The following RABEP2 variants were observed in gnomAD, a reference collection of about 807,000 sequenced individuals.
The protein encoded by RABEP2 is rab GTPase-binding effector protein 2.
Under a neutral mutation model 74.1 loss-of-function variants are expected in RABEP2, and 57 were observed. The ratio of observed to expected loss-of-function variants is 0.77; its 90% CI spans 0.62 to 0.96. The LOEUF (loss-of-function observed/expected upper bound fraction) is 0.96. Among genes scored for constraint, RABEP2 ranks in the 40% least tolerant of loss-of-function variants. The pLI, the probability that RABEP2 is intolerant of heterozygous loss-of-function variation, is 0.00. For missense variants in RABEP2, 692 were observed against 756.3 expected, an observed-to-expected ratio of 0.91 and a Z score of 1.00; for synonymous variants, 351 against 344.0, an observed-to-expected ratio of 1.02 and a Z score of -0.23.
chr16:28,923,985 G>A (rs1417698850), intron 2 of RABEP2: 2 of 190,724 alleles, frequency 1.0e-5, no homozygotes, highest in Non-Finnish European at 2.3e-5. Flanking sequence ...GGGGTGGAGG[G>A]GGGAGTGTCT....
At chr16:28,908,842 C>A in intron 7 of RABEP2, 78 bp from the exon 8 acceptor site, 1 of 1,440,500 alleles carries the variant, frequency 6.9e-7, no homozygotes, top group South Asian at 1.3e-5. Flanking sequence ...CCTCCTTGAA[C>A]CCTCCTCCCA....
chr16:28,920,250 A>G (rs1171747909), intron 2 of RABEP2, among the ~76,000 whole-genome samples: 1 of 151,958 alleles, frequency 6.6e-6, no homozygotes, highest in Non-Finnish European at 1.5e-5. Context: ...AATAGATGAG[A>G]TGACACAGGC....
Position 28,905,440 on chromosome 16 carries a change from T to C in RABEP2, c.1565A>G (p.Glu522Gly), listed in dbSNP as rs777114290. ...TCGCACGAAATCCCTCTGCACCTGC[T>C]CACTGGTCTCCAGCTCTGCCTGCAG... ...LRLQAELETS[E>G]QVQRDFVRLS... The change falls in exon 12 of 13, where the codon GAG becomes GGG. Residue 522 changes from glutamate to glycine, a missense_variant. Physicochemically the swap from Glu to Gly is moderately conservative, Grantham distance 98. Transcript: ENST00000358201. The C allele has an allele frequency of 1.2e-6, 2 of 1,607,780 alleles. No homozygotes were observed. Among genetic ancestry groups the C allele is most frequent in the African/African-American group, 2.7e-5 (2 of 74,880 alleles).
intron 5 of RABEP2, among the ~76,000 whole-genome samples, chr16:28,912,957 T>C (rs1964334608): frequency 6.6e-6 from 1 of 152,004 alleles, no homozygotes; most frequent in South Asian, 2.1e-4. Flanking sequence ...CCGGTTTTTT[T>C]TTCTCTTTTT....
Position 28,919,960 on chromosome 16 carries a change from AG to A in RABEP2, c.275-18del. ...TGATGGAGTCTGGTGGGGGAGAGGG[AG>A]GGTGGGAGAGAGGGAGGGTCAATGA... On this transcript the variant is annotated intron_variant, in intron 2 of 12. Transcript: ENST00000358201. The A allele has an allele frequency of 1.7e-6, 1 of 572,926 alleles. No individual in the cohort carries two copies. The highest frequency in any genetic ancestry group is 3.0e-6 in the Non-Finnish European group (1 of 333,168). 35.5% of individuals were successfully genotyped at this position (572,926 alleles called of 1,614,324 possible).
At position 28,919,928 on chromosome 16, in the gene RABEP2, T is replaced by C. The variant is rs751758078; in HGVS notation, c.290A>G (p.Tyr97Cys). The C allele has an allele frequency of 2.1e-5, 33 of 1,590,024 alleles. No homozygotes were observed. The highest frequency in any genetic ancestry group is 5.1e-5 in the Admixed American group (3 of 58,948). ...QAILKDSISS[Y>C]EAQITALKQE... The stretch of plus-strand genomic sequence containing the variant: ...CTTCAGGGCGGTGATCTGGGCTTCA[T>C]AGCTGCTGATGGAGTCTGGTGGGGG... Residue 97 changes from tyrosine to cysteine, a missense_variant, in exon 3 of 13, where the codon TAT becomes TGT. Transcript: ENST00000358201.
At position 28,908,638 on chromosome 16, in the gene RABEP2, C is replaced by T. The variant is rs746454508; in HGVS notation, c.1216G>A (p.Glu406Lys). The T allele has an allele frequency of 2.0e-5, 32 of 1,613,670 alleles. No individual in the cohort carries two copies. The highest frequency in any genetic ancestry group is 3.3e-5 in the Admixed American group (2 of 59,972). ...ACAGAGCTGGGCAGTGATTCCTCCTCGCCCTGCTCCTGCTGCGAGCCCTGG... is the reference window on the plus strand; with the variant it reads ...ACAGAGCTGGGCAGTGATTCCTCCTTGCCCTGCTCCTGCTGCGAGCCCTGG... ...APQGSQQEQG[E>K]EESLPSSVPE... The change falls in exon 8 of 13, where the codon GAG becomes AAG. Residue 406 changes from glutamate to lysine, a missense_variant. By Grantham distance (56) the Glu-to-Lys change is moderately conservative. Coordinates refer to ENST00000358201, the MANE Select transcript of RABEP2 (RefSeq NM_024816.3).
chr16:28,914,115 G>C lies in RABEP2; in HGVS notation c.894+121C>G, dbSNP rs1052745568. ...ATCTGCCTGCCTTCACCAGGAGGGG[G>C]GCCTCTCTTCTCCCTGTGGAAGCTC... On this transcript the variant is annotated intron_variant, in intron 5 of 12. Transcript: ENST00000358201. 4.2e-5 allele frequency: 33 copies of C among 789,874 alleles called. No homozygotes were observed. The African/African-American group carries it at 5.6e-4, about 13-fold the overall frequency. 48.9% of individuals were successfully genotyped at this position (789,874 alleles called of 1,614,324 possible).
At chr16:28,911,038 A>G (rs1427567883) in intron 6 of RABEP2, 46 bp downstream of exon 6, 1 of 1,609,996 alleles carries the variant, frequency 6.2e-7, no homozygotes, top group Non-Finnish European at 8.5e-7. Flanking sequence ...AGGGGGCGGC[A>G]GGTAGCCAGA....
chr16:28,924,143 G>T, intron 2 of RABEP2: 2 of 523,160 alleles, frequency 3.8e-6, no homozygotes, highest in Non-Finnish European at 6.9e-6. Flanking sequence ...ATCAGTGAGG[G>T]ACAAGAAATG....
Position 28,904,516 on chromosome 16 carries a change from C to T in RABEP2, c.*427G>A, listed in dbSNP as rs1964190149. On this transcript the variant is annotated 3_prime_UTR_variant, in exon 13 of 13. Coordinates refer to ENST00000358201, the MANE Select transcript of RABEP2 (RefSeq NM_024816.3). ...GGCCTGGGTCGCCGCTGTGGACAAG[C>T]GTCTTAGTGTCATGCAGACCAGAAG... The T allele has an allele frequency of 4.8e-6, 7 of 1,468,038 alleles. No individual in the cohort carries two copies. The highest frequency in any genetic ancestry group is 2.8e-5 in the African/African-American group (2 of 71,478). 90.9% of individuals were successfully genotyped at this position (1,468,038 alleles called of 1,614,324 possible).
At position 28,914,457 on chromosome 16, in the gene RABEP2, C is replaced by T. The variant is rs752673497; in HGVS notation, c.673G>A (p.Ala225Thr). The T allele has an allele frequency of 1.9e-6, 3 of 1,613,504 alleles. No homozygotes were observed. The South Asian group carries it at 3.3e-5, about 18-fold the overall frequency. The change falls in exon 5 of 13, where the codon GCT becomes ACT. Residue 225 changes from alanine to threonine, a missense_variant. Transcript: ENST00000358201. ...GDGGPAAEAFAHNCDDSASIS... is the reference protein window; with the variant it reads ...GDGGPAAEAFTHNCDDSASIS... ...GAGGCGCTGTCATCGCAGTTGTGAGCGAAGGCCTCAGCGGCTGGACCCCCA... is the reference window on the plus strand; with the variant it reads ...GAGGCGCTGTCATCGCAGTTGTGAGTGAAGGCCTCAGCGGCTGGACCCCCA...
In RABEP2 at chr16:28,904,592, C is replaced by A; in HGVS notation, c.*351G>T. On this transcript the variant is annotated 3_prime_UTR_variant, in exon 13 of 13. Transcript: ENST00000358201. ...CCCACCTCACTGCCTCTGATGGGGA[C>A]TCCCAGCCCCCATGGCTCCGCTGTG... 1 of 1,237,008 alleles carries A rather than the reference C, an allele frequency of 8.1e-7. No individual in the cohort carries two copies. The highest frequency in any genetic ancestry group is 1.4e-5 in the South Asian group (1 of 70,380). 76.6% of individuals were successfully genotyped at this position (1,237,008 alleles called of 1,614,324 possible).
At chr16:28,924,340 T>C in intron 2 of RABEP2, 63 bp downstream of exon 2, 2 of 1,505,856 alleles carry the variant, frequency 1.3e-6, no homozygotes, top group Non-Finnish European at 1.8e-6. Context: ...CCCCAATCCC[T>C]TTCTCGTCAT....
At position 28,925,121 on chromosome 16, in the gene RABEP2, G is replaced by T; in HGVS notation, c.43C>A (p.Arg15=). 1 of 1,533,042 alleles carries T rather than the reference G, an allele frequency of 6.5e-7. No individual in the cohort carries two copies. Among genetic ancestry groups the T allele is most frequent in the Non-Finnish European group, 8.7e-7 (1 of 1,146,802 alleles). The allele number at this position is 1,533,042 out of a possible 1,614,324, so 95.0% of individuals were successfully genotyped here. The change falls in exon 1 of 13, where the codon CGG becomes AGG. Residue 15 remains arginine (R), a synonymous_variant. Transcript: ENST00000358201. ...CACGTACCAGCCCCCGGCCGCCGCC[G>T]CCGCTCATCGTCGTCCGCGGCCACC... ...APVAADDDER[R]RRPGAALEDS... is the part of the protein sequence containing the mutation.
chr16:28,905,945 G>A, intron 9 of RABEP2, 67 bp from the exon 10 acceptor site: 1 of 1,612,708 alleles, frequency 6.2e-7, no homozygotes, highest in Non-Finnish European at 8.5e-7. Context: ...GCCCACGCCT[G>A]GGCCCCGGTG....
intron 8 of RABEP2, among the ~76,000 whole-genome samples, chr16:28,906,713 C>A (rs924242540): frequency 6.6e-6 from 1 of 152,040 alleles, no homozygotes; most frequent in Non-Finnish European, 1.5e-5. Flanking sequence ...TGCAGTGAGC[C>A]GAGATCGCGC....
At chr16:28,916,179 G>A (rs568734071) in intron 3 of RABEP2, 1 of 152,348 alleles carries the variant, frequency 6.6e-6, no homozygotes, top group South Asian at 2.1e-4. Context: ...CAAAGGAAGA[G>A]GGTGTGCCTT....
At position 28,906,129 on chromosome 16, in the gene RABEP2, C is replaced by T. The variant is rs916556706; in HGVS notation, c.1313G>A (p.Gly438Glu). 6 of 1,580,242 alleles carry T rather than the reference C, an allele frequency of 3.8e-6. No individual in the cohort carries two copies. Among genetic ancestry groups the T allele is most frequent in the African/African-American group, 1.3e-5 (1 of 74,326 alleles). Residue 438 changes from glycine to glutamate, a missense_variant, in exon 9 of 13, where the codon GGG becomes GAG. Transcript: ENST00000358201. ...ARARLQAQEH[G>E]AERLRIEIVT... ...GATCTCGATCCGCAGGCGCTCGGCC[C>T]CGTGCTCCTGGGCCTGCAGCCGGGC...
Sources: allele counts gnomAD v4.1 joint callset (sites outside exome capture counted in the v4.1 genomes callset), GRCh38; gene constraint gnomAD v4.1.1; transcripts MANE v1.5; gene names NCBI Gene and HGNC (gene_info 2026-07-23, HGNC 2026-07-21).